Variants in NASP observed in about 807,000 individuals in gnomAD.
NASP encodes nuclear autoantigenic sperm protein, also known as NASP histone chaperone.
Under a neutral mutation model 89.5 loss-of-function variants are expected in NASP, and 24 were observed. The ratio of observed to expected loss-of-function variants is 0.27; its 90% CI spans 0.19 to 0.38. NASP has a LOEUF of 0.38. NASP is among the 10% of genes least tolerant of loss of function. The pLI, the probability that NASP is intolerant of heterozygous loss-of-function variation, is 1.00. For synonymous variants in NASP, 306 were observed against 324.7 expected (o/e 0.94, Z 0.62); for missense variants, 848 against 921.4 (o/e 0.92, Z 1.03).
chr1:45,597,582 T>G (rs962206046), intron 2 of NASP, among the ~76,000 whole-genome samples: 3 of 152,168 alleles, frequency 2.0e-5, no homozygotes, highest in African/African-American at 7.2e-5. Flanking sequence ...GAGTTATTTT[T>G]CAAAGAAAGT....
chr1:45,587,399 G>T (rs1199788445), intron 1 of NASP, among the ~76,000 whole-genome samples: 1 of 151,586 alleles, frequency 6.6e-6, no homozygotes, highest in Non-Finnish European at 1.5e-5. Context: ...TCGAACTCCT[G>T]ACCTCAGGTG....
chr1:45,588,193 T>C (rs1393510647), intron 1 of NASP, among the ~76,000 whole-genome samples: 1 of 152,120 alleles, frequency 6.6e-6, no homozygotes, highest in Non-Finnish European at 1.5e-5. Context: ...AGTCTCCACC[T>C]CCAGGGTTCA....
At position 45,607,974 on chromosome 1, in the gene NASP, T is replaced by C; in HGVS notation, c.1063T>C (p.Ser355Pro). 1 of 1,614,100 alleles carries C rather than the reference T, an allele frequency of 6.2e-7. No individual in the cohort carries two copies. The highest frequency in any genetic ancestry group is 8.5e-7 in the Non-Finnish European group (1 of 1,180,018). Reference sequence around the variant, plus strand: ...GGTGACAACAGAGGCTGCAGAGGCCTCAGCTGTAGAGGCTGGATCAGAAGT... The same window carrying C: ...GGTGACAACAGAGGCTGCAGAGGCCCCAGCTGTAGAGGCTGGATCAGAAGT... ...PEVTTEAAEA[S>P]AVEAGSEVSE... is the part of the protein sequence containing the mutation. The change falls in exon 6 of 15, where the codon TCA becomes CCA. Residue 355 changes from serine to proline, a missense_variant. By Grantham distance (74) the Ser-to-Pro change is moderately conservative (BLOSUM62 -1). This residue lies in a region of NASP where 464 missense variants were observed against 469.4 expected (regional missense o/e 0.99). Transcript: ENST00000350030.
chr1:45,609,600 C>T (rs1448646583), intron 6 of NASP: 1 of 152,230 alleles, frequency 6.6e-6, no homozygotes, highest in Admixed American at 6.5e-5. Context: ...TGGCTGACCC[C>T]TAAGACCTTG....
At chr1:45,598,516 G>A (rs749773058) in intron 2 of NASP, among the ~76,000 whole-genome samples, 3 of 152,112 alleles carry the variant, frequency 2.0e-5, no homozygotes, top group African/African-American at 4.8e-5. Context: ...GGCTCAGTCA[G>A]TCCTACAACG....
intron 1 of NASP, among the ~76,000 whole-genome samples, chr1:45,585,707 G>T (rs1480155281): frequency 6.6e-6 from 1 of 152,180 alleles, no homozygotes; most frequent in Non-Finnish European, 1.5e-5. Context: ...CTCACATCCA[G>T]ACTGGAGTGT....
chr1:45,588,956 A>G (rs930384624), intron 1 of NASP: 2 of 82,844 alleles, frequency 2.4e-5, no homozygotes, highest in Admixed American at 1.2e-4. Context: ...CAGGTGGTCA[A>G]GTGTTTGTTT....
chr1:45,617,319 G>C, intron 13 of NASP, 144 bp from the exon 14 acceptor site: 1 of 893,196 alleles, frequency 1.1e-6, no homozygotes, highest in South Asian at 1.6e-5. Context: ...GTTGGCATCT[G>C]CCTGTGGCTA....
intron 1 of NASP, chr1:45,588,585 C>G: frequency 4.5e-6 from 2 of 448,064 alleles, no homozygotes; most frequent in South Asian, 3.1e-5. Context: ...TTCTCCTTAA[C>G]CCTATCTTTG....
At chr1:45,605,453 C>T (rs139017308) in intron 4 of NASP, among the ~76,000 whole-genome samples, 1 of 151,956 alleles carries the variant, frequency 6.6e-6, no homozygotes, top group African/African-American at 2.4e-5. Context: ...TCTATTTAAT[C>T]TCAGTTCTGG....
In NASP at chr1:45,584,122, G is replaced by C; in HGVS notation, c.-25G>C. On this transcript the variant is annotated 5_prime_UTR_variant, in exon 1 of 15. Coordinates refer to ENST00000350030, the MANE Select transcript of NASP (RefSeq NM_002482.4). ...TTTTCTCGCAGGCTCTATTCCGTTC[G>C]CTGGTTCGCCACCTCAGGGGAACGA... The C allele has an allele frequency of 6.3e-7, 1 of 1,576,160 alleles. No homozygotes were observed.
intron 6 of NASP, chr1:45,611,209 G>T (rs570217976): frequency 6.6e-6 from 1 of 152,204 alleles, no homozygotes; most frequent in South Asian, 2.1e-4. Context: ...CAATTTGTAG[G>T]AAAAATTAAA....
At chr1:45,585,369 G>T (rs939940118) in intron 1 of NASP, among the ~76,000 whole-genome samples, 1 of 152,120 alleles carries the variant, frequency 6.6e-6, no homozygotes, top group African/African-American at 2.4e-5. Flanking sequence ...ACTCTGTCAT[G>T]ATTATGTCTT....
At chr1:45,609,499 A>AAAAAC (rs1643965687) in intron 6 of NASP, 1 of 150,962 alleles carries the variant, frequency 6.6e-6, no homozygotes, top group Admixed American at 6.6e-5. Context: ...AATTCCTCAA[A>AAAAAC]AAACAAACAA....
chr1:45,616,116 A>G (rs531652098), intron 11 of NASP, among the ~76,000 whole-genome samples: 6 of 152,322 alleles, frequency 3.9e-5, no homozygotes, highest in Admixed American at 2.0e-4. Context: ...CAGGTAGGAT[A>G]TAGAAGATTT....
At chr1:45,586,468 T>C (rs1477985029) in intron 1 of NASP, among the ~76,000 whole-genome samples, 1 of 152,114 alleles carries the variant, frequency 6.6e-6, no homozygotes, top group Non-Finnish European at 1.5e-5. Context: ...GTATTTATTT[T>C]GTAAAGACGA....
chr1:45,601,820 T>C (rs920517802), intron 2 of NASP, among the ~76,000 whole-genome samples: 1 of 126,432 alleles, frequency 7.9e-6, no homozygotes, highest in African/African-American at 2.9e-5. Flanking sequence ...CAGTGGCGCA[T>C]CTCAGCTCAC....
At position 45,596,991 on chromosome 1, in the gene NASP, G is replaced by A. The variant is rs547619313; in HGVS notation, c.108-5264G>A. ...GAGTGAGACGCTGTCTCAAAAAAAA[G>A]AAAAAAAAGAAAAGAAAAAAGAAAT... is the stretch of plus-strand genomic sequence containing the variant. On this transcript the variant is annotated intron_variant, in intron 2 of 14. Coordinates refer to ENST00000350030, the MANE Select transcript of NASP (RefSeq NM_002482.4). Among the ~76,000 whole-genome samples, 53 of 149,312 alleles carry A rather than the reference G, an allele frequency of 3.5e-4. 1 individual carries two copies. The highest frequency in any genetic ancestry group is 1.3e-3 in the African/African-American group (51 of 40,140).
intron 13 of NASP, 123 bp from the exon 14 acceptor site, chr1:45,617,340 C>T: frequency 2.6e-6 from 3 of 1,152,520 alleles, no homozygotes; most frequent in Non-Finnish European, 2.5e-6. Flanking sequence ...GGGAGAGAGA[C>T]CCTTAGAGCT....
Sources: allele counts gnomAD v4.1 joint callset (sites outside exome capture counted in the v4.1 genomes callset), GRCh38; gene constraint gnomAD v4.1.1; regional missense constraint gnomAD v4.1.1; transcripts MANE v1.5; gene names NCBI Gene and HGNC (gene_info 2026-07-23, HGNC 2026-07-21).